Variants in PIKFYVE observed in about 807,000 individuals in gnomAD.
PIKFYVE encodes 1-phosphatidylinositol 3-phosphate 5-kinase.
Under a neutral mutation model 257.9 loss-of-function variants are expected in PIKFYVE, and 122 were observed. That is an observed-to-expected ratio of 0.47 (90% CI 0.41 to 0.55). PIKFYVE has a LOEUF of 0.55. PIKFYVE is among the 20% of genes least tolerant of loss of function. The pLI is 0.00. For missense variants in PIKFYVE, 2,160 were observed against 2,536.6 expected (o/e 0.85, Z 3.19); for synonymous variants, 892 against 868.9 (o/e 1.03, Z -0.47).
chr2:208,332,067 C>T (rs993985651), intron 23 of PIKFYVE, among the ~76,000 whole-genome samples: 1 of 152,108 alleles, frequency 6.6e-6, no homozygotes, highest in Non-Finnish European at 1.5e-5. Context: ...AAATGAAAAA[C>T]TTCCAGTGTC....
rs1416063061 is a variant in PIKFYVE, at chr2:208,350,030, T to G, written c.5381T>G (p.Val1794Gly). The change falls in exon 36 of 42, where the codon GTA becomes GGA. Residue 1794 changes from valine (V) to glycine (G), a missense_variant. Val to Gly is a moderately radical substitution (Grantham distance 109). Around this residue, in one of 12 missense-constraint regions of PIKFYVE, gnomAD observed 699 missense variants for 855.8 expected, o/e 0.82. Coordinates refer to ENST00000264380, the MANE Select transcript of PIKFYVE (RefSeq NM_015040.4). ...ENQGVEPQDE[V>G]DGGDTQKKQL... is the part of the protein sequence containing the mutation. ...ATGATATTAAACCTTTTAGATGAAGTAGATGGAGGAGATACACAAAAGAAG... is the reference window on the plus strand; with the variant it reads ...ATGATATTAAACCTTTTAGATGAAGGAGATGGAGGAGATACACAAAAGAAG... 5 of 1,611,850 alleles carry G rather than the reference T, an allele frequency of 3.1e-6. No individual in the cohort carries two copies. In the South Asian group the frequency reaches 5.5e-5, roughly 18 times the overall value.
Position 208,354,037 on chromosome 2 carries a change from A to G in PIKFYVE, c.5984A>G (p.Lys1995Arg). The change falls in exon 40 of 42, where the codon AAA becomes AGA. Residue 1995 changes from lysine (K) to arginine (R), a missense_variant. Lys to Arg is a conservative substitution (Grantham distance 26). Coordinates refer to ENST00000264380, the MANE Select transcript of PIKFYVE (RefSeq NM_015040.4). ...DNPLYIRSHSKAVLRTSIHSD... is the reference protein window; with the variant it reads ...DNPLYIRSHSRAVLRTSIHSD... ...CCTCTATATATTCGTTCTCATTCCA[A>G]AGCTGTGCTGAGAACCTCGATCCAT... 6.2e-7 allele frequency: 1 copy of G among 1,614,062 alleles called. No homozygotes were observed. Among genetic ancestry groups the G allele is most frequent in the Non-Finnish European group, 8.5e-7 (1 of 1,179,976 alleles).
At chr2:208,313,037 G>T (rs983610725) in intron 13 of PIKFYVE, among the ~76,000 whole-genome samples, 6 of 152,160 alleles carry the variant, frequency 3.9e-5, no homozygotes, top group Non-Finnish European at 8.8e-5. Context: ...GGCCCTTTAT[G>T]TAATTGAAAT....
At chr2:208,287,430 TG>T in intron 6 of PIKFYVE, among the ~76,000 whole-genome samples, 1 of 152,020 alleles carries the variant, frequency 6.6e-6, no homozygotes, top group South Asian at 2.1e-4. Flanking sequence ...CCCACCACCA[TG>T]CCTGGCTAAT....
rs1422631607 is a variant in PIKFYVE, at chr2:208,326,164, G to A, written c.3353G>A (p.Gly1118Glu). ...RDLSGLQGMN[G>E]SIQAKSIQVL... ...CTCTCTGGACTTCAGGGCATGAATG[G>A]AAGTATTCAGGCCAAGTCTATTCAA... Residue 1118 changes from glycine to glutamate, a missense_variant, in exon 20 of 42, where the codon GGA (glycine) becomes GAA (glutamate). Gly to Glu is a moderately conservative substitution (Grantham distance 98, BLOSUM62 -2). Around this residue, in one of 12 missense-constraint regions of PIKFYVE, gnomAD observed 522 missense variants for 514.6 expected, o/e 1.01. Transcript: ENST00000264380. 6.2e-7 allele frequency: 1 copy of A among 1,613,728 alleles called. No individual in the cohort carries two copies.
intron 27 of PIKFYVE, 60 bp from the exon 28 acceptor site, chr2:208,336,778 C>A: frequency 1.8e-6 from 2 of 1,094,200 alleles, no homozygotes; most frequent in Non-Finnish European, 2.8e-6. Context: ...AATTTATAAA[C>A]AGCACTCAAG....
At chr2:208,335,022 A>G (rs562243610) in intron 24 of PIKFYVE, among the ~76,000 whole-genome samples, 1 of 152,298 alleles carries the variant, frequency 6.6e-6, no homozygotes, top group African/African-American at 2.4e-5. Context: ...ATTAATAGGG[A>G]TGGTTTATAA....
At chr2:208,341,953 A>AT (rs11448755) in intron 31 of PIKFYVE, among the ~76,000 whole-genome samples, 139,641 of 150,598 alleles carry the variant, frequency 0.93, 65,260 homozygotes, top group Non-Finnish European at 0.98. Context: ...TATGGTGCCA[A>AT]TTTTTTTTTT....
At chr2:208,284,708 CCTT>C (rs1479606002) in intron 5 of PIKFYVE, among the ~76,000 whole-genome samples, 1 of 152,046 alleles carries the variant, frequency 6.6e-6, no homozygotes, top group East Asian at 1.9e-4. Flanking sequence ...ATATTTTCCT[CCTT>C]AATTAATTTG....
chr2:208,302,446 A>G (rs1693808787), intron 10 of PIKFYVE, 93 bp downstream of exon 10: 2 of 1,203,252 alleles, frequency 1.7e-6, no homozygotes, highest in Non-Finnish European at 2.4e-6. Context: ...TTATTAGAAG[A>G]TGATTTTTCT....
At chr2:208,331,331 T>G (rs1697518488) in intron 23 of PIKFYVE, among the ~76,000 whole-genome samples, 1 of 152,174 alleles carries the variant, frequency 6.6e-6, no homozygotes, top group Non-Finnish European at 1.5e-5. Flanking sequence ...CCAGACTGCT[T>G]GCAATCTGGA....
Position 208,293,801 on chromosome 2 carries a change from C to T in PIKFYVE, c.912-4840C>T, listed in dbSNP as rs115214399. On this transcript the variant is annotated intron_variant, in intron 7 of 41. Coordinates refer to ENST00000264380, the MANE Select transcript of PIKFYVE (RefSeq NM_015040.4). Reference sequence around the variant, plus strand: ...AAAGTGCAGGGATTACAGGTGTGAGCCACCATGCTTGGTCTTTAAGGTGGT... The same window carrying T: ...AAAGTGCAGGGATTACAGGTGTGAGTCACCATGCTTGGTCTTTAAGGTGGT... Among the ~76,000 whole-genome samples, 511 of 152,090 alleles carry T rather than the reference C, an allele frequency of 3.4e-3. 3 individuals carry two copies. The highest frequency in any genetic ancestry group is 0.012 in the African/African-American group (494 of 41,490).
rs555617089 is a variant in PIKFYVE, at chr2:208,272,122, C to T, written c.172+431C>T. ...TGGTGGCAGGCGCCTGTAGTCCCAGCTACTCAGGAGGCTGAGGCAGGAGAA... is the reference window on the plus strand; with the variant it reads ...TGGTGGCAGGCGCCTGTAGTCCCAGTTACTCAGGAGGCTGAGGCAGGAGAA... On this transcript the variant is annotated intron_variant, in intron 2 of 41. Transcript: ENST00000264380. Among the ~76,000 whole-genome samples, 5 of 152,006 alleles carry T rather than the reference C, an allele frequency of 3.3e-5. No homozygotes were observed. The South Asian group carries it at 6.2e-4, about 19-fold the overall frequency.
intron 17 of PIKFYVE, among the ~76,000 whole-genome samples, chr2:208,320,740 T>C (rs1461454460): frequency 6.6e-6 from 1 of 152,248 alleles, no homozygotes; most frequent in East Asian, 1.9e-4. Flanking sequence ...AACAGAATAA[T>C]GTCAGATGAA....
intron 31 of PIKFYVE, among the ~76,000 whole-genome samples, chr2:208,341,708 G>T (rs1458494621): frequency 1.3e-5 from 2 of 152,024 alleles, no homozygotes; most frequent in African/African-American, 4.8e-5. Context: ...TCTTTTTTAT[G>T]AGGACACTAA....
intron 21 of PIKFYVE, 47 bp from the exon 22 acceptor site, chr2:208,329,795 T>A (rs769938526): frequency 8.4e-5 from 134 of 1,603,386 alleles, no homozygotes; most frequent in Non-Finnish European, 1.1e-4. Context: ...GAAATGTCTC[T>A]GGGGCATGGT....
chr2:208,281,078 G>A (rs368992569), intron 5 of PIKFYVE, among the ~76,000 whole-genome samples: 2 of 152,284 alleles, frequency 1.3e-5, no homozygotes, highest in African/African-American at 4.8e-5. Flanking sequence ...TTAAGGATTC[G>A]GGGCCTCCCC....
chr2:208,287,441 T>A (rs1266272105), intron 6 of PIKFYVE, among the ~76,000 whole-genome samples: 1 of 151,300 alleles, frequency 6.6e-6, no homozygotes, highest in African/African-American at 2.4e-5. Context: ...GCCTGGCTAA[T>A]TTTTCTGTTT....
chr2:208,339,208 A>G (rs949344372), intron 29 of PIKFYVE, among the ~76,000 whole-genome samples: 5 of 152,214 alleles, frequency 3.3e-5, no homozygotes, highest in Non-Finnish European at 7.3e-5. Flanking sequence ...CGGTACTGCT[A>G]CCAGGATTTG....
Sources: gnomAD v4.1 joint callset for allele counts (sites outside exome capture counted in the v4.1 genomes callset) on GRCh38, gnomAD v4.1.1 for gene constraint, gnomAD v4.1.1 regional missense constraint, MANE v1.5 for transcripts, NCBI Gene and HGNC (gene_info 2026-07-23, HGNC 2026-07-21) for gene names.